The following PAFAH1B1 variants were observed in gnomAD, a reference collection of about 807,000 sequenced individuals.
The protein encoded by PAFAH1B1 is platelet-activating factor acetylhydrolase IB subunit beta.
Under a neutral mutation model 57.5 loss-of-function variants are expected in PAFAH1B1, and 2 were observed. That is an observed-to-expected ratio of 0.03 (90% CI 0.01 to 0.11). PAFAH1B1 has a LOEUF of 0.11. Ranked by LOEUF, PAFAH1B1 falls within the 10% of genes least tolerant of loss-of-function variation. The pLI, the probability that PAFAH1B1 is intolerant of heterozygous loss-of-function variation, is 1.00. For synonymous variants in PAFAH1B1, 152 were observed against 169.6 expected (o/e 0.90, Z 0.81); for missense variants, 257 against 512.0 (o/e 0.50, Z 4.81).
At chr17:2,655,645 G>A (rs76405640) in intron 2 of PAFAH1B1, among the ~76,000 whole-genome samples, 3,491 of 152,238 alleles carry the variant, frequency 0.023, 115 homozygotes, top group African/African-American at 0.075. Context: ...CCTGTCTCAA[G>A]AAAGAGAAAA....
At chr17:2,633,810 C>G (rs754332362) in intron 1 of PAFAH1B1, among the ~76,000 whole-genome samples, 4 of 152,094 alleles carry the variant, frequency 2.6e-5, no homozygotes, top group Non-Finnish European at 5.9e-5. Context: ...GAGACATACT[C>G]TCTCCTCTTT....
intron 1 of PAFAH1B1, among the ~76,000 whole-genome samples, chr17:2,617,592 T>A (rs924400349): frequency 6.6e-6 from 1 of 152,168 alleles, no homozygotes; most frequent in Admixed American, 6.5e-5. Context: ...GCCTCCAAGC[T>A]GAAGCAGAAT....
At chr17:2,613,149 A>ATTTTGT (rs1246688398) in intron 1 of PAFAH1B1, 4 of 154,264 alleles carry the variant, frequency 2.6e-5, no homozygotes, top group African/African-American at 4.8e-5. Flanking sequence ...TTCCTTTAAA[A>ATTTTGT]TTTTGTTTTT....
chr17:2,626,659 A>ATTCAACT (rs2068497874), intron 1 of PAFAH1B1, among the ~76,000 whole-genome samples: 1 of 145,718 alleles, frequency 6.9e-6, no homozygotes, highest in South Asian at 2.1e-4. Context: ...GGTTCAAGCA[A>ATTCAACT]TTCAACTGCC....
At chr17:2,644,935 C>T (rs1265629078) in intron 2 of PAFAH1B1, among the ~76,000 whole-genome samples, 1 of 152,022 alleles carries the variant, frequency 6.6e-6, no homozygotes, top group African/African-American at 2.4e-5. Flanking sequence ...TTATAGAGAG[C>T]TTTAGATAAA....
intron 7 of PAFAH1B1, 51 bp from the exon 8 acceptor site, chr17:2,674,009 A>G (rs1330018607): frequency 2.3e-6 from 3 of 1,279,946 alleles, no homozygotes; most frequent in Admixed American, 1.7e-5. Context: ...ACTTCTGGGA[A>G]GTGTCCTGAT....
chr17:2,667,938 A>T (rs2069130106), intron 5 of PAFAH1B1, among the ~76,000 whole-genome samples: 1 of 151,958 alleles, frequency 6.6e-6, no homozygotes, highest in South Asian at 2.1e-4. Flanking sequence ...ACAGAAAGAT[A>T]AGATAGTTGC....
At chr17:2,609,174 A>AT (rs1026408697) in intron 1 of PAFAH1B1, among the ~76,000 whole-genome samples, 3 of 151,662 alleles carry the variant, frequency 2.0e-5, no homozygotes, top group Non-Finnish European at 4.4e-5. Context: ...GCCTTCTTGA[A>AT]TTTTTTTTTC....
chr17:2,679,491 TGG>T (rs1567562860), intron 9 of PAFAH1B1, among the ~76,000 whole-genome samples: 1 of 145,740 alleles, frequency 6.9e-6, no homozygotes, highest in Non-Finnish European at 1.5e-5. Flanking sequence ...GATGGATGGA[TGG>T]ATGGATGATT....
chr17:2,617,372 C>G (rs570246976), intron 1 of PAFAH1B1, among the ~76,000 whole-genome samples: 1 of 152,210 alleles, frequency 6.6e-6, no homozygotes, highest in African/African-American at 2.4e-5. Context: ...TAACTTAAAT[C>G]TTGCAAAATG....
intron 6 of PAFAH1B1, among the ~76,000 whole-genome samples, 176 bp from the exon 7 acceptor site, chr17:2,672,479 A>AT (rs1425794188): frequency 1.3e-5 from 2 of 151,856 alleles, no homozygotes; most frequent in South Asian, 2.1e-4. Flanking sequence ...TGTTTTACTG[A>AT]TTTTTTTAAC....
intron 1 of PAFAH1B1, among the ~76,000 whole-genome samples, chr17:2,595,308 G>C (rs2068072874): frequency 1.3e-5 from 2 of 152,130 alleles, no homozygotes; most frequent in Non-Finnish European, 2.9e-5. Context: ...TTTGTTGGGG[G>C]GGTGGGTTAT....
intron 2 of PAFAH1B1, among the ~76,000 whole-genome samples, chr17:2,645,080 C>G (rs1232244044): frequency 6.6e-6 from 1 of 151,998 alleles, no homozygotes; most frequent in African/African-American, 2.4e-5. Flanking sequence ...AACCCCGTCT[C>G]TACAAAAAAT....
chr17:2,667,332 TC>T, intron 5 of PAFAH1B1, 134 bp downstream of exon 5: 3 of 642,038 alleles, frequency 4.7e-6, no homozygotes, highest in African/African-American at 2.0e-5. Flanking sequence ...ACACTCTGTC[TC>T]AAAAAAAAAA....
intron 2 of PAFAH1B1, among the ~76,000 whole-genome samples, chr17:2,645,762 G>A (rs761230744): frequency 4.0e-5 from 6 of 151,308 alleles, no homozygotes; most frequent in Non-Finnish European, 7.4e-5. Flanking sequence ...ATGCCACCAC[G>A]CCTGGCCACT....
In PAFAH1B1 at chr17:2,657,143, T is replaced by C. The variant is rs552212850; in HGVS notation, c.33-8229T>C. ...TTCTGCCATTAACTATTAGATTTATTGGTTGAAGGTTTGAGAGATTTCTTT... is the reference window on the plus strand; with the variant it reads ...TTCTGCCATTAACTATTAGATTTATCGGTTGAAGGTTTGAGAGATTTCTTT... On this transcript the variant is annotated intron_variant, in intron 2 of 10. Transcript: ENST00000397195. 2.0e-5 allele frequency among the ~76,000 whole-genome samples: 3 copies of C among 152,338 alleles called. No individual in the cohort carries two copies. The East Asian group carries it at 5.8e-4, about 29-fold the overall frequency.
intron 7 of PAFAH1B1, 24 bp downstream of exon 7, chr17:2,672,781 C>G (rs1413844339): frequency 6.9e-7 from 1 of 1,451,910 alleles, no homozygotes; most frequent in South Asian, 1.1e-5. Flanking sequence ...GTTGAAAAGG[C>G]ATCAGCGGCC....
At chr17:2,652,682 A>G (rs1285540832) in intron 2 of PAFAH1B1, among the ~76,000 whole-genome samples, 1 of 152,210 alleles carries the variant, frequency 6.6e-6, no homozygotes, top group Admixed American at 6.5e-5. Flanking sequence ...GGAATGTACT[A>G]TAGCTGCACA....
intron 1 of PAFAH1B1, among the ~76,000 whole-genome samples, chr17:2,634,918 C>A (rs945866123): frequency 2.0e-5 from 3 of 152,158 alleles, no homozygotes; most frequent in African/African-American, 4.8e-5. Flanking sequence ...AATCCGAGCA[C>A]TTTGGAGACC....
Sources: gnomAD v4.1 joint callset for allele counts (sites outside exome capture counted in the v4.1 genomes callset) on GRCh38, gnomAD v4.1.1 for gene constraint, MANE v1.5 for transcripts, NCBI Gene and HGNC (gene_info 2026-07-23, HGNC 2026-07-21) for gene names.